The following HIPK3 variants were observed in gnomAD, a reference collection of about 807,000 sequenced individuals.
HIPK3 encodes the protein homeodomain interacting protein kinase 3.
A neutral mutation model predicts 124.2 loss-of-function variants in HIPK3; 47 were observed. The observed-to-expected ratio is 0.38, with a 90% confidence interval of 0.30 to 0.48. The LOEUF (loss-of-function observed/expected upper bound fraction) is 0.48. HIPK3 is among the 20% of genes least tolerant of loss of function. HIPK3 has a pLI of 0.98. For synonymous variants in HIPK3, 482 were observed against 515.2 expected, an observed-to-expected ratio of 0.94 and a Z score of 0.87; for missense variants, 1,286 against 1,454.3, an observed-to-expected ratio of 0.88 and a Z score of 1.88.
At chr11:33,300,482 C>A (rs1851968470) in intron 2 of HIPK3, among the ~76,000 whole-genome samples, 1 of 152,176 alleles carries the variant, frequency 6.6e-6, no homozygotes, top group Non-Finnish European at 1.5e-5. Flanking sequence ...GGTTCAGATT[C>A]CTGTTAGCAT....
intron 2 of HIPK3, among the ~76,000 whole-genome samples, chr11:33,313,205 T>G (rs1427071016): frequency 6.6e-6 from 1 of 152,232 alleles, no homozygotes; most frequent in Non-Finnish European, 1.5e-5. Flanking sequence ...AAATAACTGG[T>G]GTGTATTCTT....
intron 1 of HIPK3, among the ~76,000 whole-genome samples, chr11:33,262,980 G>A (rs1182277259): frequency 2.0e-5 from 3 of 152,016 alleles, no homozygotes; most frequent in African/African-American, 7.3e-5. Flanking sequence ...CACCATGTCT[G>A]CTAACTTTTT....
At chr11:33,301,668 CAGCTACCTGGG>C (rs1455897225) in intron 2 of HIPK3, among the ~76,000 whole-genome samples, 2 of 151,324 alleles carry the variant, frequency 1.3e-5, no homozygotes, top group Non-Finnish European at 2.9e-5. Context: ...CCTGTAATCT[CAGCTACCTGGG>C]AGGCTGAGGT....
At chr11:33,281,587 T>G (rs1304987119) in intron 1 of HIPK3, among the ~76,000 whole-genome samples, 1 of 152,234 alleles carries the variant, frequency 6.6e-6, no homozygotes, top group Admixed American at 6.5e-5. Context: ...TTGCTGCCAG[T>G]ATTGTTACTC....
At chr11:33,287,992 T>C (rs1011593086) in intron 2 of HIPK3, among the ~76,000 whole-genome samples, 3 of 152,190 alleles carry the variant, frequency 2.0e-5, no homozygotes, top group African/African-American at 7.2e-5. Context: ...TTCCAGATTT[T>C]TCCGGATTTT....
chr11:33,337,088 C>T lies in HIPK3; in HGVS notation c.1235C>T (p.Ser412Phe), dbSNP rs1156982608. 3.1e-6 allele frequency: 5 copies of T among 1,596,762 alleles called. No individual in the cohort carries two copies. The highest frequency in any genetic ancestry group is 4.3e-6 in the Non-Finnish European group (5 of 1,171,612). Residue 412 changes from serine (S) to phenylalanine (F), a missense_variant, in exon 4 of 17, where the codon TCT becomes TTT. Coordinates refer to ENST00000303296, the MANE Select transcript of HIPK3 (RefSeq NM_005734.5). The stretch of plus-strand genomic sequence containing the variant: ...ATTATTTTTCAGATTCGATACATTT[C>T]TCAGACTCAAGGTTTGCCAGGAGAA... ...ALEYDQIRYI[S>F]QTQGLPGEQL...
chr11:33,276,895 G>A (rs1851287977), intron 1 of HIPK3, among the ~76,000 whole-genome samples: 1 of 151,868 alleles, frequency 6.6e-6, no homozygotes, highest in Admixed American at 6.6e-5. Flanking sequence ...AGTAGAGACG[G>A]GGTTTCATCA....
chr11:33,314,654 TCACA>T (rs369474312), intron 2 of HIPK3, among the ~76,000 whole-genome samples: 5 of 151,520 alleles, frequency 3.3e-5, no homozygotes, highest in African/African-American at 1.2e-4. Context: ...AGACTCCATC[TCACA>T]CACACACACA....
At chr11:33,322,033 T>C (rs1852677492) in intron 2 of HIPK3, among the ~76,000 whole-genome samples, 5 of 152,174 alleles carry the variant, frequency 3.3e-5, no homozygotes, top group Admixed American at 2.6e-4. Flanking sequence ...AGAGTCTTGC[T>C]CCGTCACCCA....
intron 1 of HIPK3, among the ~76,000 whole-genome samples, chr11:33,282,766 G>A (rs527361652): frequency 1.6e-4 from 25 of 152,244 alleles, no homozygotes; most frequent in Non-Finnish European, 3.2e-4. Flanking sequence ...TAAATTAGGA[G>A]AATCATGGCA....
At chr11:33,274,796 T>C (rs1851229219) in intron 1 of HIPK3, among the ~76,000 whole-genome samples, 1 of 152,194 alleles carries the variant, frequency 6.6e-6, no homozygotes, top group Non-Finnish European at 1.5e-5. Flanking sequence ...CTTTGAAATG[T>C]CCAACAGGTC....
chr11:33,257,312 G>A (rs1329457618), upstream of HIPK3: 4 of 983,532 alleles, frequency 4.1e-6, no homozygotes, highest in East Asian at 2.3e-4. Flanking sequence ...TGCCGGGCGG[G>A]CGGTGGCGCT....
chr11:33,301,661 G>A (rs1403270792), intron 2 of HIPK3, among the ~76,000 whole-genome samples: 2 of 151,214 alleles, frequency 1.3e-5, no homozygotes, highest in African/African-American at 4.9e-5. Flanking sequence ...GAGCACACCT[G>A]TAATCTCAGC....
chr11:33,336,981 T>C (rs1009942531), intron 3 of HIPK3, 94 bp from the exon 4 acceptor site: 1 of 858,416 alleles, frequency 1.2e-6, no homozygotes, highest in Non-Finnish European at 1.8e-6. Flanking sequence ...GACTATGTAT[T>C]TTCATACCTG....
intron 3 of HIPK3, 22 bp from the exon 4 acceptor site, chr11:33,337,053 T>G (rs747695530): frequency 1.3e-6 from 2 of 1,567,066 alleles, no homozygotes; most frequent in South Asian, 2.3e-5. Flanking sequence ...TAAACTATTC[T>G]GTTCTGTAAA....
In HIPK3 at chr11:33,337,140, C is replaced by T; in HGVS notation, c.1287C>T (p.Ser429=). Residue 429 remains serine (S), a synonymous_variant, in exon 4 of 17, where the codon TCC becomes TCT. Coordinates refer to ENST00000303296, the MANE Select transcript of HIPK3 (RefSeq NM_005734.5). ...GEQLLNVGTK[S]TRFFCKETDM... is the part of the protein sequence containing the mutation. ...AGTTGTTAAATGTGGGTACTAAATC[C>T]ACAAGATTTTTTTGCAAAGAAACAG... is the stretch of plus-strand genomic sequence containing the variant. 1 of 1,587,940 alleles carries T rather than the reference C, an allele frequency of 6.3e-7. No individual in the cohort carries two copies. The highest frequency in any genetic ancestry group is 8.6e-7 in the Non-Finnish European group (1 of 1,157,710).
At chr11:33,280,092 A>G (rs1052699100) in intron 1 of HIPK3, among the ~76,000 whole-genome samples, 5 of 152,170 alleles carry the variant, frequency 3.3e-5, no homozygotes, top group African/African-American at 9.7e-5. Context: ...TATTAATTCT[A>G]AGGAATGAAA....
At chr11:33,293,426 T>C (rs2133912797) in intron 2 of HIPK3, among the ~76,000 whole-genome samples, 1 of 152,282 alleles carries the variant, frequency 6.6e-6, no homozygotes, top group East Asian at 1.9e-4. Flanking sequence ...TTCCCCAGTC[T>C]GCCCATCACC....
At chr11:33,281,216 TG>T (rs1270979103) in intron 1 of HIPK3, among the ~76,000 whole-genome samples, 4 of 152,152 alleles carry the variant, frequency 2.6e-5, no homozygotes, top group Middle Eastern at 3.4e-3. Context: ...ATTACAGGCG[TG>T]CGCCACCACA....
Sources: allele counts gnomAD v4.1 joint callset (sites outside exome capture counted in the v4.1 genomes callset), GRCh38; gene constraint gnomAD v4.1.1; transcripts MANE v1.5; gene names NCBI Gene and HGNC (gene_info 2026-07-23, HGNC 2026-07-21).